Variants in MAP3K4 observed in about 807,000 individuals in gnomAD.
The protein encoded by MAP3K4 is mitogen-activated protein kinase kinase kinase 4.
Under a neutral mutation model 185.6 loss-of-function variants are expected in MAP3K4, and 67 were observed. The ratio of observed to expected loss-of-function variants is 0.36; its 90% CI spans 0.30 to 0.44. The LOEUF is 0.44. Among genes scored for constraint, MAP3K4 ranks in the 20% least tolerant of loss-of-function variants. The probability of loss-of-function intolerance (pLI) is 1.00; values close to 1 mark genes in which losing one functional copy is unlikely to be tolerated. For synonymous variants in MAP3K4, 702 were observed against 710.4 expected, an observed-to-expected ratio of 0.99 and a Z score of 0.19; for missense variants, 1,551 against 1,995.1, an observed-to-expected ratio of 0.78 and a Z score of 4.24.
rs1344373376 is a variant in MAP3K4 at position 161,071,395 on chromosome 6, G to A, written c.1950+545G>A. ...TATCCAGCAGAGTGAGTGCTGAAGA[G>A]GGTCTGTATTTATTATTTATGATAT... is the stretch of plus-strand genomic sequence containing the variant. On this transcript the variant is annotated intron_variant, in intron 4 of 26. Transcript: ENST00000392142. The surrounding 1 kb of genome is among the most constrained non-coding windows in gnomAD (Gnocchi z 4.6). Among the ~76,000 whole-genome samples the A allele has an allele frequency of 6.6e-6, 1 of 152,154 alleles. No homozygotes were observed. The highest frequency in any genetic ancestry group is 6.5e-5 in the Admixed American group (1 of 15,282).
At position 161,091,249 on chromosome 6, in the gene MAP3K4, C is replaced by A. The variant is rs1777290748; in HGVS notation, c.2974-130C>A. 1 of 624,972 alleles carries A rather than the reference C, an allele frequency of 1.6e-6. No individual in the cohort carries two copies. The highest frequency in any genetic ancestry group is 2.6e-6 in the Non-Finnish European group (1 of 379,098). The allele number at this position is 624,972 out of a possible 1,614,324, so 38.7% of individuals were successfully genotyped here. A position where few individuals can be genotyped will look rare whatever the true frequency, so the allele number is the denominator to read the frequency against. On this transcript the variant is annotated intron_variant, in intron 11 of 26. Transcript: ENST00000392142. This position sits in a 1 kb window ranked among gnomAD's most constrained non-coding sequence, Gnocchi z 5.5. ...TAATTTCTTCTATATTTGGTAATTCCTTTACCAAGTGGCTGAATTGTTTGT... is the reference window on the plus strand; with the variant it reads ...TAATTTCTTCTATATTTGGTAATTCATTTACCAAGTGGCTGAATTGTTTGT...
chr6:161,108,659 G>T lies in MAP3K4; in HGVS notation c.4120-84G>T, dbSNP rs1778215095. ...AATCATGATTACATATATTTATGGG[G>T]TGCAAAATGATGTTTCAGTGTATGT... On this transcript the variant is annotated intron_variant, in intron 21 of 26. Coordinates refer to ENST00000392142, the MANE Select transcript of MAP3K4 (RefSeq NM_005922.4). The surrounding 1 kb of genome is among the most constrained non-coding windows in gnomAD (Gnocchi z 5.7). 4 of 787,168 alleles carry T rather than the reference G, an allele frequency of 5.1e-6. No individual in the cohort carries two copies. Among genetic ancestry groups the T allele is most frequent in the South Asian group, 1.5e-5 (1 of 65,686 alleles). 48.8% of individuals were successfully genotyped at this position (787,168 alleles called of 1,614,324 possible).
In MAP3K4 at chr6:161,067,556, A is replaced by G. The variant is rs1415370073; in HGVS notation, c.1708-3052A>G. ...TGTTAGGGAAACCCAGGTGTGTACT[A>G]ATTTAAGTGCAAAAGTATGTATTAA... On this transcript the variant is annotated intron_variant, in intron 3 of 26. Coordinates refer to ENST00000392142, the MANE Select transcript of MAP3K4 (RefSeq NM_005922.4). This position sits in a 1 kb window ranked among gnomAD's most constrained non-coding sequence, Gnocchi z 6.3. 6.6e-6 allele frequency among the ~76,000 whole-genome samples: 1 copy of G among 152,204 alleles called. No individual in the cohort carries two copies. Among genetic ancestry groups the G allele is most frequent in the East Asian group, 1.9e-4 (1 of 5,204 alleles).
chr6:161,065,196 C>G (rs1784653527), intron 3 of MAP3K4, among the ~76,000 whole-genome samples: 1 of 152,118 alleles, frequency 6.6e-6, no homozygotes, highest in African/African-American at 2.4e-5. Flanking sequence ...TCAAGGGTGA[C>G]AGAGCCCTGC....
chr6:161,029,262 G>T (rs185339138), intron 1 of MAP3K4, among the ~76,000 whole-genome samples: 5 of 150,870 alleles, frequency 3.3e-5, no homozygotes, highest in African/African-American at 1.2e-4. Context: ...GTGTTGGGGG[G>T]CAGGGGTGGC....
chr6:161,042,752 A>G (rs1783536875), intron 2 of MAP3K4, among the ~76,000 whole-genome samples: 1 of 152,200 alleles, frequency 6.6e-6, no homozygotes, highest in Admixed American at 6.5e-5. Context: ...GGAATTTAAA[A>G]GACACCCAAG....
intron 1 of MAP3K4, chr6:160,992,462 C>T (rs1280364670): frequency 1.1e-5 from 3 of 266,662 alleles, no homozygotes; most frequent in South Asian, 7.2e-5. Flanking sequence ...CGAAAGTGGT[C>T]CCTCCCCTCT....
In MAP3K4 at chr6:161,056,565, T is replaced by G. The variant is rs1423104017; in HGVS notation, c.1707+6586T>G. On this transcript the variant is annotated intron_variant, in intron 3 of 26. Coordinates refer to ENST00000392142, the MANE Select transcript of MAP3K4 (RefSeq NM_005922.4). This position sits in a 1 kb window ranked among gnomAD's most constrained non-coding sequence, Gnocchi z 5.4. ...TTATAGTGAGAAACCTGGCTACCATTACTACAATTAATTACATGTTTGTTC... is the reference window on the plus strand; with the variant it reads ...TTATAGTGAGAAACCTGGCTACCATGACTACAATTAATTACATGTTTGTTC... Among the ~76,000 whole-genome samples, 1 of 152,222 alleles carries G rather than the reference T, an allele frequency of 6.6e-6. No homozygotes were observed. The highest frequency in any genetic ancestry group is 2.4e-5 in the African/African-American group (1 of 41,454).
Position 161,053,267 on chromosome 6 carries a change from A to C in MAP3K4, c.1707+3288A>C, listed in dbSNP as rs908369774. ...AACCAGATCTCTTGACAGCTCACTC[A>C]CCATCATGAGAACAGCACCAATGGG... On this transcript the variant is annotated intron_variant, in intron 3 of 26. Coordinates refer to ENST00000392142, the MANE Select transcript of MAP3K4 (RefSeq NM_005922.4). The surrounding 1 kb of genome is among the most constrained non-coding windows in gnomAD (Gnocchi z 4.2). Among the ~76,000 whole-genome samples the C allele has an allele frequency of 3.3e-5, 5 of 152,058 alleles. No homozygotes were observed. Among genetic ancestry groups the C allele is most frequent in the African/African-American group, 1.2e-4 (5 of 41,376 alleles).
In MAP3K4 at chr6:161,112,469, A is replaced by C. The variant is rs376091657; in HGVS notation, c.4520-199A>C. On this transcript the variant is annotated intron_variant, in intron 24 of 26. Coordinates refer to ENST00000392142, the MANE Select transcript of MAP3K4 (RefSeq NM_005922.4). The surrounding 1 kb of genome is among the most constrained non-coding windows in gnomAD (Gnocchi z 5.1). ...TAATTTGAAAATGTGTACATTCAAA[A>C]ATAGTCTTTTAAAAGAGAATTTGTC... is the stretch of plus-strand genomic sequence containing the variant. Among the ~76,000 whole-genome samples the C allele has an allele frequency of 6.6e-5, 10 of 152,344 alleles. No homozygotes were observed. In the East Asian group the frequency reaches 1.7e-3, roughly 26 times the overall value.
At chr6:161,068,556 A>G (rs1280479126) in intron 3 of MAP3K4, among the ~76,000 whole-genome samples, 2 of 152,354 alleles carry the variant, frequency 1.3e-5, no homozygotes, top group South Asian at 4.1e-4. Context: ...GAAGCATTGC[A>G]TTTTAAATTA....
At chr6:161,042,988 G>A (rs1295938812) in intron 2 of MAP3K4, among the ~76,000 whole-genome samples, 4 of 152,048 alleles carry the variant, frequency 2.6e-5, no homozygotes, top group Non-Finnish European at 4.4e-5. Flanking sequence ...GCATGCATGC[G>A]TGTGCCTATA....
At position 161,070,741 on chromosome 6, in the gene MAP3K4, C is replaced by T. The variant is rs923069213; in HGVS notation, c.1841C>T (p.Pro614Leu). 1 of 1,614,038 alleles carries T rather than the reference C, an allele frequency of 6.2e-7. No individual in the cohort carries two copies. The change falls in exon 4 of 27, where the codon CCT becomes CTT. Residue 614 changes from proline to leucine, a missense_variant. Coordinates refer to ENST00000392142, the MANE Select transcript of MAP3K4 (RefSeq NM_005922.4). This position sits in a 1 kb window ranked among gnomAD's most constrained non-coding sequence, Gnocchi z 4.5. Reference protein sequence around the residue: ...LKAMDLPSFEPAFLVLCRVLL... With the variant: ...LKAMDLPSFELAFLVLCRVLL... ...GCCATGGATTTACCTTCATTCGAACCTGCCTTCCTAGTTCTCTGCCGAGTC... is the reference window on the plus strand; with the variant it reads ...GCCATGGATTTACCTTCATTCGAACTTGCCTTCCTAGTTCTCTGCCGAGTC...
Position 161,103,269 on chromosome 6 carries a change from G to A in MAP3K4, c.3856+490G>A, listed in dbSNP as rs1306927617. On this transcript the variant is annotated intron_variant, in intron 19 of 26. Transcript: ENST00000392142. The surrounding 1 kb of genome is among the most constrained non-coding windows in gnomAD (Gnocchi z 4.6). The stretch of plus-strand genomic sequence containing the variant: ...AAATAGATGTTCTCTTTTTATAAAT[G>A]ATAGTTTCTAAGCAGCCCAATAATT... Among the ~76,000 whole-genome samples, 6 of 152,180 alleles carry A rather than the reference G, an allele frequency of 3.9e-5. No homozygotes were observed. The highest frequency in any genetic ancestry group is 1.4e-4 in the African/African-American group (6 of 41,440).
At position 161,077,883 on chromosome 6, in the gene MAP3K4, A is replaced by G. The variant is rs1301891589; in HGVS notation, c.2098-2998A>G. The stretch of plus-strand genomic sequence containing the variant: ...AAAGAGATGGGAAAAAAATATATAT[A>G]TGTATTAATATGTATATACGAGAAA... On this transcript the variant is annotated intron_variant, in intron 5 of 26. Transcript: ENST00000392142. The surrounding 1 kb of genome is among the most constrained non-coding windows in gnomAD (Gnocchi z 4.3). 1.3e-5 allele frequency among the ~76,000 whole-genome samples: 2 copies of G among 152,088 alleles called. No individual in the cohort carries two copies. Among genetic ancestry groups the G allele is most frequent in the Admixed American group, 1.3e-4 (2 of 15,272 alleles).
chr6:161,109,649 A>C lies in MAP3K4; in HGVS notation c.4237-106A>C, dbSNP rs1038554618. On this transcript the variant is annotated intron_variant, in intron 22 of 26. Coordinates refer to ENST00000392142, the MANE Select transcript of MAP3K4 (RefSeq NM_005922.4). The surrounding 1 kb of genome is among the most constrained non-coding windows in gnomAD (Gnocchi z 5.7). ...GATGGCAAGTGTAGTATACCGTTAG[A>C]AAGAACATTCCTTTGGGGTGTGGCC... 24 of 1,147,286 alleles carry C rather than the reference A, an allele frequency of 2.1e-5. No homozygotes were observed. The highest frequency in any genetic ancestry group is 4.2e-4 in the Middle Eastern group (2 of 4,792). The allele number at this position is 1,147,286 out of a possible 1,614,324, so 71.1% of individuals were successfully genotyped here.
rs1477538838 is a variant in MAP3K4 at position 160,996,199 on chromosome 6, C to T, written c.152+4116C>T. Among the ~76,000 whole-genome samples the T allele has an allele frequency of 1.3e-5, 2 of 152,168 alleles. No homozygotes were observed. Among genetic ancestry groups the T allele is most frequent in the African/African-American group, 4.8e-5 (2 of 41,440 alleles). ...TGGTGTAGCATCAGTGATGGTCATG[C>T]CTTTACACCACTGTAACAGTAGATG... On this transcript the variant is annotated intron_variant, in intron 1 of 26. Transcript: ENST00000392142. This position sits in a 1 kb window ranked among gnomAD's most constrained non-coding sequence, Gnocchi z 4.5.
At position 161,067,514 on chromosome 6, in the gene MAP3K4, T is replaced by C. The variant is rs1428928143; in HGVS notation, c.1708-3094T>C. Among the ~76,000 whole-genome samples, 2 of 152,194 alleles carry C rather than the reference T, an allele frequency of 1.3e-5. No individual in the cohort carries two copies. Among genetic ancestry groups the C allele is most frequent in the Non-Finnish European group, 1.5e-5 (1 of 68,040 alleles). ...TTACAAGTAATTATTTTAGTGGTTA[T>C]TTTAGAAATTCTTGCCTGTTAGGGA... is the stretch of plus-strand genomic sequence containing the variant. On this transcript the variant is annotated intron_variant, in intron 3 of 26. Coordinates refer to ENST00000392142, the MANE Select transcript of MAP3K4 (RefSeq NM_005922.4). The surrounding 1 kb of genome is among the most constrained non-coding windows in gnomAD (Gnocchi z 6.3).
Position 161,098,295 on chromosome 6 carries a change from C to A in MAP3K4, c.3542C>A (p.Ser1181Tyr). The change falls in exon 17 of 27, where the codon TCC becomes TAC. Residue 1181 changes from serine (S) to tyrosine (Y), a missense_variant. Physicochemically the swap from Ser to Tyr is moderately radical, Grantham distance 144. Coordinates refer to ENST00000392142, the MANE Select transcript of MAP3K4 (RefSeq NM_005922.4). The surrounding 1 kb of genome is among the most constrained non-coding windows in gnomAD (Gnocchi z 4.4). ...TGTCTTAGCACTCGGAGCATGCCTT[C>A]CGACGCGCGGAGCCATGGCAGCCCT... is the stretch of plus-strand genomic sequence containing the variant. ...PEGFSTRSMP[S>Y]DARSHGSPAA... The A allele has an allele frequency of 6.2e-7, 1 of 1,612,438 alleles. No homozygotes were observed. The highest frequency in any genetic ancestry group is 8.5e-7 in the Non-Finnish European group (1 of 1,179,750).
Sources: allele counts gnomAD v4.1 joint callset (sites outside exome capture counted in the v4.1 genomes callset), GRCh38; gene constraint gnomAD v4.1.1; non-coding constraint Gnocchi (gnomAD v3.1); transcripts MANE v1.5; gene names NCBI Gene and HGNC (gene_info 2026-07-23, HGNC 2026-07-21).